Variants in SFTPC observed in about 807,000 individuals in gnomAD.
SFTPC encodes surfactant protein C.
A neutral mutation model predicts 19.9 loss-of-function variants in SFTPC; 12 were observed. The ratio of observed to expected loss-of-function variants is 0.60; its 90% CI spans 0.39 to 0.98. The LOEUF is 0.98. SFTPC is among the 50% of genes least tolerant of loss of function. The probability of loss-of-function intolerance (pLI) is 0.00; values close to 1 mark genes in which losing one functional copy is unlikely to be tolerated. For missense variants in SFTPC, 219 were observed against 252.2 expected, an observed-to-expected ratio of 0.87 and a Z score of 0.89; for synonymous variants, 123 against 103.3, an observed-to-expected ratio of 1.19 and a Z score of -1.16.
chr8:22,159,254 T>A (rs550121392), upstream of SFTPC, among the ~76,000 whole-genome samples: 2 of 152,286 alleles, frequency 1.3e-5, no homozygotes, highest in African/African-American at 4.8e-5. Context: ...ACCACTGCAC[T>A]GCAGCTTGGG....
At chr8:22,160,005 T>C, upstream of SFTPC, 4 of 415,638 alleles carry the variant, frequency 9.6e-6, no homozygotes, top group Non-Finnish European at 1.8e-5. Flanking sequence ...GATGCTTCTG[T>C]GGGCTCCCCC....
Position 22,163,893 on chromosome 8 carries a change from C to G in SFTPC, c.436-8C>G. 6.2e-7 allele frequency: 1 copy of G among 1,612,564 alleles called. No homozygotes were observed. The highest frequency in any genetic ancestry group is 1.1e-5 in the South Asian group (1 of 91,054). ...CTTCCTACATTCCAGATGGAATGCT[C>G]TCTGCAGGCCAAGCCCGCAGTGCCT... On this transcript the variant is annotated splice_region_variant and splice_polypyrimidine_tract_variant and intron_variant, in intron 4 of 5. Transcript: ENST00000679463.
Position 22,164,427 on chromosome 8 carries a change from G to T in SFTPC, c.*180G>T. ...GGGAGTGGGCAGAGGTGGCGCCCAG[G>T]GGCCCGGGAACTCCTGCCACAACAG... On this transcript the variant is annotated 3_prime_UTR_variant, in exon 6 of 6. Coordinates refer to ENST00000679463, the MANE Select transcript of SFTPC (RefSeq NM_001317778.2). 6.7e-7 allele frequency: 1 copy of T among 1,493,784 alleles called. No individual in the cohort carries two copies. The highest frequency in any genetic ancestry group is 1.8e-4 in the Middle Eastern group (1 of 5,544). 92.5% of individuals were successfully genotyped at this position (1,493,784 alleles called of 1,614,324 possible).
At chr8:22,163,035 G>T in intron 2 of SFTPC, 45 bp from the exon 3 acceptor site, 1 of 1,612,500 alleles carries the variant, frequency 6.2e-7, no homozygotes, top group Non-Finnish European at 8.5e-7. Flanking sequence ...ACCACTGGCT[G>T]AGTAGGAAAG....
chr8:22,159,349 C>CCG, upstream of SFTPC: 1 of 194,006 alleles, frequency 5.2e-6, no homozygotes. Context: ...TGGAGGTGGG[C>CCG]TTTCACAGAG....
Position 22,164,431 on chromosome 8 carries a change from C to T in SFTPC, c.*184C>T. The T allele has an allele frequency of 6.7e-7, 1 of 1,490,396 alleles. No individual in the cohort carries two copies. Among genetic ancestry groups the T allele is most frequent in the East Asian group, 2.5e-5 (1 of 40,550 alleles). 92.3% of individuals were successfully genotyped at this position (1,490,396 alleles called of 1,614,324 possible). A position where few individuals can be genotyped will look rare whatever the true frequency, so the allele number is the denominator to read the frequency against. On this transcript the variant is annotated 3_prime_UTR_variant, in exon 6 of 6. Transcript: ENST00000679463. The stretch of plus-strand genomic sequence containing the variant: ...GTGGGCAGAGGTGGCGCCCAGGGGC[C>T]CGGGAACTCCTGCCACAACAGAATA...
chr8:22,161,636 T>C (rs1356617219), upstream of SFTPC: 2 of 1,559,592 alleles, frequency 1.3e-6, no homozygotes, highest in Non-Finnish European at 1.7e-6. Context: ...CAAGGGCCCT[T>C]GGGGGCTCTC....
At chr8:22,157,438 G>C (rs1827542073), upstream of SFTPC, 2 of 171,928 alleles carry the variant, frequency 1.2e-5, no homozygotes, top group South Asian at 2.2e-4. Flanking sequence ...GCTTGCTATC[G>C]CAAGTGCTCT....
At chr8:22,158,397 C>G (rs562938118), upstream of SFTPC, among the ~76,000 whole-genome samples, 1 of 152,308 alleles carries the variant, frequency 6.6e-6, no homozygotes, top group Admixed American at 6.5e-5. Context: ...CCTGGCACGG[C>G]TCTGCCCAGT....
intron 2 of SFTPC, 36 bp downstream of exon 2, chr8:22,162,768 A>G: frequency 6.2e-7 from 1 of 1,613,094 alleles, no homozygotes; most frequent in African/African-American, 1.3e-5. Context: ...TGGGCACAGG[A>G]CATGCCAGAC....
At position 22,164,254 on chromosome 8, in the gene SFTPC, T is replaced by A; in HGVS notation, c.*19-12T>A. 6.5e-7 allele frequency: 1 copy of A among 1,536,112 alleles called. No individual in the cohort carries two copies. The highest frequency in any genetic ancestry group is 1.2e-5 in the South Asian group (1 of 84,074). The stretch of plus-strand genomic sequence containing the variant: ...TCTCTCTGTCCATCCTCAACATTCC[T>A]TTGCTTCACAGGGTCAGTGGAAGCC... On this transcript the variant is annotated splice_polypyrimidine_tract_variant and intron_variant, in intron 5 of 5. Transcript: ENST00000679463.
chr8:22,158,669 A>G (rs1370393083), upstream of SFTPC: 1 of 152,274 alleles, frequency 6.6e-6, no homozygotes, highest in Non-Finnish European at 1.5e-5. Context: ...GGTCCTCATA[A>G]TAGCATAGTG....
chr8:22,162,764 C>A, intron 2 of SFTPC, 32 bp downstream of exon 2: 1 of 1,613,158 alleles, frequency 6.2e-7, no homozygotes, highest in African/African-American at 1.3e-5. Context: ...GCAGTGGGCA[C>A]AGGACATGCC....
chr8:22,158,938 G>T (rs946010822), upstream of SFTPC: 1 of 152,248 alleles, frequency 6.6e-6, no homozygotes, highest in South Asian at 2.1e-4. Flanking sequence ...CCCAGGGCCC[G>T]CAATTGGGCT....
chr8:22,158,327 G>A (rs1369550933), upstream of SFTPC, among the ~76,000 whole-genome samples: 2 of 152,226 alleles, frequency 1.3e-5, no homozygotes. Context: ...AGCTTGGGGG[G>A]AGGGAAGCAG....
chr8:22,160,259 C>G (rs1827663356), upstream of SFTPC, among the ~76,000 whole-genome samples: 1 of 152,022 alleles, frequency 6.6e-6, no homozygotes, highest in Non-Finnish European at 1.5e-5. Flanking sequence ...CAGCTCATGA[C>G]CGAAGGGCAG....
At position 22,164,323 on chromosome 8, in the gene SFTPC, T is replaced by C. The variant is rs1320821604; in HGVS notation, c.*76T>C. The C allele has an allele frequency of 6.5e-7, 1 of 1,536,132 alleles. No individual in the cohort carries two copies. Among genetic ancestry groups the C allele is most frequent in the East Asian group, 2.4e-5 (1 of 40,912 alleles). ...CCCCGGGCAAAGGGTCTTTTGCAGC[T>C]TTTGCAGACGGGCAAGAAGCTGCTT... On this transcript the variant is annotated 3_prime_UTR_variant, in exon 6 of 6. Transcript: ENST00000679463.
In SFTPC at chr8:22,162,668, T is replaced by A; in HGVS notation, c.137T>A (p.Ile46Asn). 1 of 1,614,206 alleles carries A rather than the reference T, an allele frequency of 6.2e-7. No individual in the cohort carries two copies. The highest frequency in any genetic ancestry group is 8.5e-7 in the Non-Finnish European group (1 of 1,180,030). ...ATCGTGGTGGTGGTGGTGGTCCTCA[T>A]CGTCGTGGTGATTGTGGGAGCCCTG... ...LLIVVVVVVL[I>N]VVVIVGALLM... Residue 46 changes from isoleucine (I) to asparagine (N), a missense_variant, in exon 2 of 6, where the codon ATC (isoleucine) becomes AAC (asparagine). Coordinates refer to ENST00000679463, the MANE Select transcript of SFTPC (RefSeq NM_001317778.2).
intron 2 of SFTPC, 150 bp downstream of exon 2, chr8:22,162,882 C>A: frequency 1.5e-6 from 2 of 1,347,216 alleles, no homozygotes; most frequent in Non-Finnish European, 2.1e-6. Flanking sequence ...CAGGCAGCAA[C>A]CCAGCTCAGG....
Sources: allele counts gnomAD v4.1 joint callset (sites outside exome capture counted in the v4.1 genomes callset), GRCh38; gene constraint gnomAD v4.1.1; transcripts MANE v1.5; gene names NCBI Gene and HGNC (gene_info 2026-07-23, HGNC 2026-07-21).